The following PDIA5 variants were observed in gnomAD, a reference collection of about 807,000 sequenced individuals.
The protein encoded by PDIA5 is protein disulfide-isomerase A5.
In PDIA5, 58 loss-of-function variants were observed where a neutral mutation model predicts 77.6. That is an observed-to-expected ratio of 0.75 (90% confidence interval 0.61 to 0.93). PDIA5 has a LOEUF of 0.93. PDIA5 is among the 40% of genes least tolerant of loss of function. The pLI, the probability that PDIA5 is intolerant of heterozygous loss-of-function variation, is 0.00. For missense variants in PDIA5, 630 were observed against 647.7 expected, an observed-to-expected ratio of 0.97 and a Z score of 0.30; for synonymous variants, 250 against 252.1, an observed-to-expected ratio of 0.99 and a Z score of 0.08.
At chr3:123,086,661 T>C (rs1033100067) in intron 1 of PDIA5, among the ~76,000 whole-genome samples, 19 of 152,374 alleles carry the variant, frequency 1.2e-4, no homozygotes, top group African/African-American at 4.6e-4. Context: ...CTCTGCAGGC[T>C]GTTGAACAGT....
intron 13 of PDIA5, 79 bp from the exon 14 acceptor site, chr3:123,150,155 G>A (rs1935855446): frequency 1.0e-6 from 1 of 991,960 alleles, no homozygotes; most frequent in South Asian, 1.5e-5. Flanking sequence ...CGAGTGGTTG[G>A]GACATTGAGG....
intron 6 of PDIA5, 114 bp from the exon 7 acceptor site, chr3:123,110,830 C>G (rs954684956): frequency 1.1e-6 from 1 of 894,888 alleles, no homozygotes. Context: ...CTCACTCCCC[C>G]TCCCCTCCCC....
In PDIA5 at chr3:123,089,242, G is replaced by GA; in HGVS notation, c.123dup (p.Leu42ThrfsTer7). On this transcript the variant is annotated frameshift_variant, in exon 2 of 17. Transcript: ENST00000316218. LOFTEE classifies it high-confidence loss of function. ...AGAGAATCTCTGACCCCAAGGACTT[G>GA]AAAAAACTGCTCAGAACCCGGAATA... The GA allele has an allele frequency of 6.2e-7, 1 of 1,614,156 alleles. No individual in the cohort carries two copies. The highest frequency in any genetic ancestry group is 2.2e-5 in the East Asian group (1 of 44,890).
At chr3:123,067,563 G>T in intron 1 of PDIA5, 1 of 288,152 alleles carries the variant, frequency 3.5e-6, no homozygotes, top group Non-Finnish European at 6.4e-6. Context: ...CAGACTCCGA[G>T]CCCTGCACCT....
Position 123,150,383 on chromosome 3 carries a change from C to A in PDIA5, c.1273+19C>A. The stretch of plus-strand genomic sequence containing the variant: ...GCCCCTTGTAAGTAGCTTGGGTGCT[C>A]ACTGAGTGGCACAGTAAGAGGGGTT... On this transcript the variant is annotated intron_variant, in intron 14 of 16. Coordinates refer to ENST00000316218, the MANE Select transcript of PDIA5 (RefSeq NM_006810.4). 1.2e-6 allele frequency: 2 copies of A among 1,608,846 alleles called. No homozygotes were observed. Among genetic ancestry groups the A allele is most frequent in the South Asian group, 2.2e-5 (2 of 90,096 alleles).
chr3:123,106,202 G>A (rs892561934), intron 5 of PDIA5, among the ~76,000 whole-genome samples: 16 of 152,138 alleles, frequency 1.1e-4, no homozygotes, highest in South Asian at 4.1e-4. Context: ...ATACAGAGGC[G>A]GATAATCAGG....
chr3:123,089,050 T>C (rs1044827458), intron 1 of PDIA5, 118 bp from the exon 2 acceptor site: 1 of 899,282 alleles, frequency 1.1e-6, no homozygotes, highest in Non-Finnish European at 1.7e-6. Context: ...TGAGATGTGT[T>C]GGTTTGCCCT....
intron 13 of PDIA5, among the ~76,000 whole-genome samples, chr3:123,146,684 T>C (rs1935779936): frequency 6.6e-6 from 1 of 152,226 alleles, no homozygotes; most frequent in Non-Finnish European, 1.5e-5. Flanking sequence ...GGTTTGCAAC[T>C]GAGGATAAAG....
Position 123,159,307 on chromosome 3 carries a change from T to G in PDIA5, c.1345-2014T>G, listed in dbSNP as rs551826905. 3.2e-3 allele frequency among the ~76,000 whole-genome samples: 483 copies of G among 152,304 alleles called. 3 individuals carry two copies. The highest frequency in any genetic ancestry group is 0.011 in the African/African-American group (439 of 41,566). ...GCCCCATAGCACCTGCCCTGAGAAA[T>G]GGAACCCCACAATTTGGCCAGGGGA... On this transcript the variant is annotated intron_variant, in intron 15 of 16. Coordinates refer to ENST00000316218, the MANE Select transcript of PDIA5 (RefSeq NM_006810.4).
intron 10 of PDIA5, among the ~76,000 whole-genome samples, chr3:123,129,022 T>C (rs1225783025): frequency 2.0e-5 from 3 of 151,992 alleles, no homozygotes; most frequent in African/African-American, 4.8e-5. Flanking sequence ...CTCGTGTAGA[T>C]GGACAGCAGT....
intron 11 of PDIA5, among the ~76,000 whole-genome samples, chr3:123,138,673 A>G (rs1404303785): frequency 6.6e-6 from 1 of 152,160 alleles, no homozygotes; most frequent in African/African-American, 2.4e-5. Context: ...CTGCCCCAAG[A>G]TGCCTGTAAC....
At chr3:123,150,019 T>C (rs1000523579) in intron 13 of PDIA5, among the ~76,000 whole-genome samples, 14 of 152,220 alleles carry the variant, frequency 9.2e-5, no homozygotes, top group South Asian at 2.1e-4. Flanking sequence ...AAATGGCTCC[T>C]TAATGGGCTC....
At chr3:123,106,218 A>T (rs1288761582) in intron 5 of PDIA5, among the ~76,000 whole-genome samples, 1 of 152,222 alleles carries the variant, frequency 6.6e-6, no homozygotes, top group African/African-American at 2.4e-5. Context: ...TCAGGATTTA[A>T]TCCACTCCAA....
intron 11 of PDIA5, among the ~76,000 whole-genome samples, chr3:123,138,672 G>A (rs1396481052): frequency 6.6e-6 from 1 of 152,196 alleles, no homozygotes; most frequent in African/African-American, 2.4e-5. Context: ...TCTGCCCCAA[G>A]ATGCCTGTAA....
At chr3:123,094,916 G>A (rs1346496316) in intron 3 of PDIA5, among the ~76,000 whole-genome samples, 1 of 152,200 alleles carries the variant, frequency 6.6e-6, no homozygotes, top group Non-Finnish European at 1.5e-5. Context: ...GGTCAGGAGT[G>A]CACAGGCCAC....
At chr3:123,069,855 T>C (rs575515926) in intron 1 of PDIA5, among the ~76,000 whole-genome samples, 2 of 152,160 alleles carry the variant, frequency 1.3e-5, no homozygotes, top group East Asian at 3.9e-4. Context: ...TTTGGGAGGC[T>C]GAGGCGGGTG....
intron 16 of PDIA5, 94 bp downstream of exon 16, chr3:123,161,549 G>A (rs1936160326): frequency 7.4e-7 from 1 of 1,350,964 alleles, no homozygotes. Flanking sequence ...CAGCATCCCA[G>A]AAACTGCAGA....
chr3:123,151,114 C>G (rs1354396478), intron 14 of PDIA5, among the ~76,000 whole-genome samples: 1 of 152,204 alleles, frequency 6.6e-6, no homozygotes, highest in Non-Finnish European at 1.5e-5. Context: ...TTGGCTCCCC[C>G]GTCCCCACCT....
At chr3:123,142,357 G>C (rs1020391182) in intron 11 of PDIA5, among the ~76,000 whole-genome samples, 7 of 152,252 alleles carry the variant, frequency 4.6e-5, no homozygotes, top group Non-Finnish European at 1.0e-4. Context: ...AATTGTTTCT[G>C]AGGGGAAAAC....
Sources: gnomAD v4.1 joint callset for allele counts (sites outside exome capture counted in the v4.1 genomes callset) on GRCh38, gnomAD v4.1.1 for gene constraint, MANE v1.5 for transcripts, NCBI Gene and HGNC (gene_info 2026-07-23, HGNC 2026-07-21) for gene names.